The following ARHGEF3 variants were observed in gnomAD, a reference collection of about 807,000 sequenced individuals.
ARHGEF3 encodes 59.8 kDA protein.
A neutral mutation model predicts 63.2 loss-of-function variants in ARHGEF3; 28 were observed. The ratio of observed to expected loss-of-function variants is 0.44; its 90% CI spans 0.33 to 0.61. The LOEUF (loss-of-function observed/expected upper bound fraction) is 0.61, where lower values mean the gene tolerates loss of function less well. Among genes scored for constraint, ARHGEF3 ranks in the 20% least tolerant of loss-of-function variants. The probability of loss-of-function intolerance (pLI) is 0.03; values close to 1 mark genes in which losing one functional copy is unlikely to be tolerated. For synonymous variants in ARHGEF3, 266 were observed against 254.2 expected, an observed-to-expected ratio of 1.05 and a Z score of -0.44; for missense variants, 533 against 659.3, an observed-to-expected ratio of 0.81 and a Z score of 2.10.
At chr3:56,846,780 T>C (rs2039505552) in intron 4 of ARHGEF3, among the ~76,000 whole-genome samples, 1 of 152,208 alleles carries the variant, frequency 6.6e-6, no homozygotes, top group Non-Finnish European at 1.5e-5. Flanking sequence ...TCTTGTGTCC[T>C]CTTCCTTTCC....
chr3:56,800,223 CA>C (rs2037571902), intron 1 of ARHGEF3, among the ~76,000 whole-genome samples: 1 of 152,186 alleles, frequency 6.6e-6, no homozygotes, highest in African/African-American at 2.4e-5. Flanking sequence ...TGGCCCACTT[CA>C]ATTTATTAAT....
intron 4 of ARHGEF3, among the ~76,000 whole-genome samples, chr3:56,873,219 G>GT (rs751050214): frequency 0.3 from 14,796 of 49,600 alleles, 888 homozygotes; most frequent in South Asian, 0.43. Context: ...TTTGTGCTAT[G>GT]TTTGTTTTTT....
intron 3 of ARHGEF3, among the ~76,000 whole-genome samples, chr3:56,889,844 C>G (rs2041054531): frequency 6.6e-6 from 1 of 152,138 alleles, no homozygotes; most frequent in African/African-American, 2.4e-5. Flanking sequence ...GGCGGATCAC[C>G]TGAGGTCAGG....
intron 1 of ARHGEF3, among the ~76,000 whole-genome samples, chr3:56,785,556 T>C (rs2036760135): frequency 6.6e-6 from 1 of 152,198 alleles, no homozygotes; most frequent in Non-Finnish European, 1.5e-5. Context: ...AAAAATAATG[T>C]GTAACCAAGA....
At chr3:56,957,526 G>A (rs1302800665) in intron 3 of ARHGEF3, among the ~76,000 whole-genome samples, 3 of 152,202 alleles carry the variant, frequency 2.0e-5, no homozygotes, top group African/African-American at 7.2e-5. Context: ...TAGGCCCAGA[G>A]ATACAGTAGT....
chr3:56,753,918 T>C (rs1368847192), intron 3 of ARHGEF3, among the ~76,000 whole-genome samples: 1 of 152,222 alleles, frequency 6.6e-6, no homozygotes, highest in Non-Finnish European at 1.5e-5. Context: ...GAGGCCATCA[T>C]AAGAAGTGAT....
intron 2 of ARHGEF3, among the ~76,000 whole-genome samples, chr3:57,009,253 T>C (rs112126050): frequency 0.019 from 2,883 of 152,306 alleles, 104 homozygotes; most frequent in African/African-American, 0.066. Flanking sequence ...GAAATCAAAA[T>C]TTTTTATTTA....
chr3:56,884,945 C>T (rs962922039), intron 3 of ARHGEF3, among the ~76,000 whole-genome samples: 1 of 152,210 alleles, frequency 6.6e-6, no homozygotes, highest in Non-Finnish European at 1.5e-5. Flanking sequence ...CAGCGTAACA[C>T]TCTGAATCCA....
intron 4 of ARHGEF3, among the ~76,000 whole-genome samples, chr3:56,834,116 G>A (rs2039024070): frequency 6.6e-6 from 1 of 152,060 alleles, no homozygotes; most frequent in South Asian, 2.1e-4. Flanking sequence ...TATTGGCCAG[G>A]CTGGTTCCGA....
chr3:56,993,221 A>T (rs987655705), intron 2 of ARHGEF3, among the ~76,000 whole-genome samples: 1 of 152,152 alleles, frequency 6.6e-6, no homozygotes, highest in Non-Finnish European at 1.5e-5. Flanking sequence ...CATCCTCCTG[A>T]TTTTGCCTGT....
At chr3:57,016,052 C>T (rs916255415) in intron 2 of ARHGEF3, among the ~76,000 whole-genome samples, 2 of 152,098 alleles carry the variant, frequency 1.3e-5, no homozygotes, top group African/African-American at 4.8e-5. Flanking sequence ...CCTACAGGAC[C>T]CTAGTGGCAC....
At chr3:56,796,968 T>C (rs1032284082) in intron 1 of ARHGEF3, among the ~76,000 whole-genome samples, 3 of 152,228 alleles carry the variant, frequency 2.0e-5, no homozygotes, top group African/African-American at 7.2e-5. Flanking sequence ...TCATCATGTT[T>C]CTTAAAACCA....
chr3:56,998,482 G>A (rs1485438650), intron 2 of ARHGEF3, among the ~76,000 whole-genome samples: 2 of 148,666 alleles, frequency 1.3e-5, no homozygotes, highest in African/African-American at 5.0e-5. Flanking sequence ...TACTTTCCTT[G>A]CTATGGGGAC....
chr3:56,915,966 T>C (rs184527001), intron 3 of ARHGEF3, among the ~76,000 whole-genome samples: 9 of 152,322 alleles, frequency 5.9e-5, no homozygotes, highest in Admixed American at 4.6e-4. Context: ...ACAGTAGCAT[T>C]GCACAGCAGA....
At chr3:56,958,941 G>T in intron 2 of ARHGEF3, 1 of 1,493,742 alleles carries the variant, frequency 6.7e-7, no homozygotes, top group Non-Finnish European at 9.1e-7. Context: ...ATATTCAGAG[G>T]AAGTCACTGC....
rs577303079 is a variant in ARHGEF3, at chr3:57,074,541, G to A, written c.-28+4685C>T. ...TCTTAGCCCCCGGGGAACCTTCACT[G>A]TATTAAATGACATCAATTGATCAAT... On this transcript the variant is annotated intron_variant, in intron 1 of 12. Coordinates refer to the ARHGEF3 transcript ENST00000338458. 10 of 432,760 alleles carry A rather than the reference G, an allele frequency of 2.3e-5. No homozygotes were observed. In the South Asian group the frequency reaches 3.5e-4, roughly 15 times the overall value. The allele number at this position is 432,760 out of a possible 1,614,324, so 26.8% of individuals were successfully genotyped here. A position where few individuals can be genotyped will look rare whatever the true frequency, so the allele number is the denominator to read the frequency against.
At chr3:56,802,116 AG>A, upstream of ARHGEF3, 2 of 834,028 alleles carry the variant, frequency 2.4e-6, no homozygotes, top group Non-Finnish European at 3.2e-6. Context: ...GCGGGTGGAG[AG>A]GGACCTCTCT....
At chr3:57,024,880 A>G (rs1476979107) in intron 2 of ARHGEF3, among the ~76,000 whole-genome samples, 1 of 152,260 alleles carries the variant, frequency 6.6e-6, no homozygotes, top group African/African-American at 2.4e-5. Context: ...AACAAAACAA[A>G]TGCAGGCTAA....
At chr3:56,789,041 C>A (rs2036956636) in intron 1 of ARHGEF3, among the ~76,000 whole-genome samples, 1 of 149,580 alleles carries the variant, frequency 6.7e-6, no homozygotes, top group Non-Finnish European at 1.5e-5. Flanking sequence ...GCTGCTGCTG[C>A]TGCTGCTGCT....
Sources: allele counts gnomAD v4.1 joint callset (sites outside exome capture counted in the v4.1 genomes callset), GRCh38; gene constraint gnomAD v4.1.1; transcripts MANE v1.5; gene names NCBI Gene and HGNC (gene_info 2026-07-23, HGNC 2026-07-21).